The following ZFPM2 variants were observed in gnomAD, a reference collection of about 807,000 sequenced individuals.
ZFPM2 encodes zinc finger protein ZFPM2.
ZFPM2 carries 20 observed loss-of-function variants against 98.6 expected under a neutral mutation model. That is an observed-to-expected ratio of 0.20 (90% confidence interval 0.14 to 0.29). The LOEUF (loss-of-function observed/expected upper bound fraction) is 0.29. Ranked by LOEUF, ZFPM2 falls within the 10% of genes least tolerant of loss-of-function variation. The pLI, the probability that ZFPM2 is intolerant of heterozygous loss-of-function variation, is 1.00. For synonymous variants in ZFPM2, 518 were observed against 502.7 expected (o/e 1.03, Z -0.41); for missense variants, 1,310 against 1,388.6 (o/e 0.94, Z 0.90).
intron 1 of ZFPM2, among the ~76,000 whole-genome samples, chr8:105,338,809 T>C (rs1312477984): frequency 1.3e-5 from 2 of 151,948 alleles, no homozygotes; most frequent in Non-Finnish European, 2.9e-5. Flanking sequence ...ATATTGAATA[T>C]ACTGGTAGGA....
chr8:105,496,741 G>C (rs892968834), intron 3 of ZFPM2, among the ~76,000 whole-genome samples: 4 of 147,466 alleles, frequency 2.7e-5, no homozygotes, highest in African/African-American at 9.9e-5. Flanking sequence ...CCAGCACTTT[G>C]GGAGGCCAAG....
chr8:105,540,453 C>T (rs920974947), intron 3 of ZFPM2, among the ~76,000 whole-genome samples: 1 of 152,002 alleles, frequency 6.6e-6, no homozygotes, highest in African/African-American at 2.4e-5. Context: ...GTAGATGGCT[C>T]ATAGTAGGCA....
chr8:105,647,527 C>A (rs868404984), intron 5 of ZFPM2, among the ~76,000 whole-genome samples: 4 of 146,994 alleles, frequency 2.7e-5, no homozygotes, highest in Admixed American at 1.4e-4. Flanking sequence ...TCCCTCCCGC[C>A]CCCCCCCACC....
intron 5 of ZFPM2, among the ~76,000 whole-genome samples, chr8:105,682,379 A>G (rs1810627518): frequency 6.6e-6 from 1 of 152,194 alleles, no homozygotes. Flanking sequence ...GGGAAGAACA[A>G]ATGCACTTTG....
In ZFPM2 at chr8:105,333,580, C is replaced by T. The variant is rs1175113421; in HGVS notation, c.40+14599C>T. Among the ~76,000 whole-genome samples the T allele has an allele frequency of 3.3e-5, 5 of 151,816 alleles. No homozygotes were observed. The South Asian group carries it at 1.0e-3, about 31-fold the overall frequency. On this transcript the variant is annotated intron_variant, in intron 1 of 7. Transcript: ENST00000407775. ...TATAGCAATTAAAATTGCACATATA[C>T]TGTTTGACCCAGCAATTCTACATAT... is the stretch of plus-strand genomic sequence containing the variant.
chr8:105,386,672 A>G (rs983066387), intron 1 of ZFPM2, among the ~76,000 whole-genome samples: 1 of 152,100 alleles, frequency 6.6e-6, no homozygotes, highest in African/African-American at 2.4e-5. Context: ...CACAATGTGG[A>G]AGGGGACCCC....
At chr8:105,652,938 TTGAGTGTA>T (rs761795563) in intron 5 of ZFPM2, among the ~76,000 whole-genome samples, 15 of 152,294 alleles carry the variant, frequency 9.8e-5, no homozygotes, top group Middle Eastern at 6.8e-3. Context: ...TTGCTATGTT[TTGAGTGTA>T]GATTTCTAGA....
intron 4 of ZFPM2, among the ~76,000 whole-genome samples, 165 bp from the exon 5 acceptor site, chr8:105,634,081 G>C (rs1816801971): frequency 1.3e-5 from 2 of 152,154 alleles, no homozygotes; most frequent in African/African-American, 4.8e-5. Context: ...AAGCTTTACA[G>C]CTTCTGTCGT....
intron 4 of ZFPM2, among the ~76,000 whole-genome samples, chr8:105,563,057 C>T (rs1483675278): frequency 6.6e-6 from 1 of 152,190 alleles, no homozygotes; most frequent in East Asian, 1.9e-4. Flanking sequence ...AAGTCCTTCT[C>T]TCTAAATGCC....
At position 105,470,097 on chromosome 8, in the gene ZFPM2, T is replaced by A. The variant is rs1484930081; in HGVS notation, c.301+25716T>A. 2.6e-5 allele frequency among the ~76,000 whole-genome samples: 4 copies of A among 152,212 alleles called. No homozygotes were observed. The East Asian group carries it at 7.7e-4, about 29-fold the overall frequency. On this transcript the variant is annotated intron_variant, in intron 3 of 7. Coordinates refer to ENST00000407775, the MANE Select transcript of ZFPM2 (RefSeq NM_012082.4). ...CTGTGACTATTTTCAAAAAACAATA[T>A]ATTAAAGAACTTTCAAAAATAACTT...
At chr8:105,790,952 CTT>C (rs1271662122) in intron 6 of ZFPM2, among the ~76,000 whole-genome samples, 1 of 152,132 alleles carries the variant, frequency 6.6e-6, no homozygotes, top group African/African-American at 2.4e-5. Flanking sequence ...TGTCCTGAGA[CTT>C]TGCTGAAGTT....
intron 3 of ZFPM2, among the ~76,000 whole-genome samples, chr8:105,556,319 A>G (rs937662349): frequency 6.6e-6 from 1 of 152,210 alleles, no homozygotes; most frequent in African/African-American, 2.4e-5. Flanking sequence ...ACAAGCAGAC[A>G]TCAATGAATG....
At position 105,803,558 on chromosome 8, in the gene ZFPM2, C is replaced by A. The variant is rs1306654551; in HGVS notation, c.*20C>A. The A allele has an allele frequency of 6.3e-7, 1 of 1,586,384 alleles. No individual in the cohort carries two copies. Among genetic ancestry groups the A allele is most frequent in the Non-Finnish European group, 8.6e-7 (1 of 1,164,898 alleles). ...AAATGAACTAACTAAACATCAGTCA[C>A]CTTTGGTATCAGTGTTTAGTATGTT... On this transcript the variant is annotated 3_prime_UTR_variant, in exon 8 of 8. Coordinates refer to ENST00000407775, the MANE Select transcript of ZFPM2 (RefSeq NM_012082.4).
At chr8:105,560,509 C>T (rs1037001655) in intron 3 of ZFPM2, among the ~76,000 whole-genome samples, 1 of 150,668 alleles carries the variant, frequency 6.6e-6, no homozygotes, top group African/African-American at 2.4e-5. Context: ...ATTTTAAAGA[C>T]AGGCTGCAAG....
At chr8:105,765,769 A>G (rs1812840444) in intron 5 of ZFPM2, among the ~76,000 whole-genome samples, 2 of 151,974 alleles carry the variant, frequency 1.3e-5, no homozygotes, top group South Asian at 4.1e-4. Flanking sequence ...CAATCGGTTC[A>G]ATAAGTTAAT....
intron 3 of ZFPM2, among the ~76,000 whole-genome samples, chr8:105,449,227 T>C (rs1812438589): frequency 6.6e-6 from 1 of 152,078 alleles, no homozygotes; most frequent in Non-Finnish European, 1.5e-5. Context: ...CCATCAGGCT[T>C]ATAGCAGCTA....
At chr8:105,408,262 A>T (rs1811503650) in intron 1 of ZFPM2, among the ~76,000 whole-genome samples, 1 of 151,824 alleles carries the variant, frequency 6.6e-6, no homozygotes, top group African/African-American at 2.4e-5. Context: ...ACACTCTTTT[A>T]ATGTGCTAGT....
At chr8:105,485,590 T>C (rs1373909256) in intron 3 of ZFPM2, among the ~76,000 whole-genome samples, 2 of 152,126 alleles carry the variant, frequency 1.3e-5, no homozygotes, top group African/African-American at 2.4e-5. Flanking sequence ...GTTAGGAGAC[T>C]AAAGCAATGA....
At chr8:105,533,460 A>G (rs563030203) in intron 3 of ZFPM2, among the ~76,000 whole-genome samples, 1 of 152,290 alleles carries the variant, frequency 6.6e-6, no homozygotes, top group African/African-American at 2.4e-5. Flanking sequence ...GAAAACAATT[A>G]AAATGCTTCT....
Sources: allele counts gnomAD v4.1 joint callset (sites outside exome capture counted in the v4.1 genomes callset), GRCh38; gene constraint gnomAD v4.1.1; transcripts MANE v1.5; gene names NCBI Gene and HGNC (gene_info 2026-07-23, HGNC 2026-07-21).